Variants in MEP1A observed in about 807,000 individuals in gnomAD.
MEP1A encodes the protein N-benzoyl-L-tyrosyl-P-amino-benzoic acid hydrolase subunit alpha.
MEP1A carries 68 observed loss-of-function variants against 84.5 expected under a neutral mutation model. The ratio of observed to expected loss-of-function variants is 0.80; its 90% CI spans 0.66 to 0.98. The LOEUF (loss-of-function observed/expected upper bound fraction) is 0.98, where lower values mean the gene tolerates loss of function less well. MEP1A is among the 50% of genes least tolerant of loss of function. MEP1A has a pLI of 0.00. For missense variants in MEP1A, 887 were observed against 919.9 expected (o/e 0.96, Z 0.46); for synonymous variants, 337 against 336.8 (o/e 1.00, Z -0.01).
At chr6:46,826,320 A>G in intron 8 of MEP1A, 34 bp from the exon 9 acceptor site, 1 of 1,561,006 alleles carries the variant, frequency 6.4e-7, no homozygotes, top group Non-Finnish European at 8.7e-7. Context: ...ACTATCTTTC[A>G]TTTTTAACCA....
chr6:46,833,770 G>A (rs545743931), intron 11 of MEP1A, among the ~76,000 whole-genome samples: 1 of 152,004 alleles, frequency 6.6e-6, no homozygotes, highest in Non-Finnish European at 1.5e-5. Flanking sequence ...TGCCAAAGTC[G>A]GTGCTAGGTA....
downstream of MEP1A, among the ~76,000 whole-genome samples, chr6:46,841,762 C>G (rs1768334163): frequency 6.6e-6 from 1 of 152,198 alleles, no homozygotes; most frequent in Admixed American, 6.5e-5. Flanking sequence ...CAGGTTCTTT[C>G]AGTAATATCT....
intron 3 of MEP1A, among the ~76,000 whole-genome samples, chr6:46,794,209 C>A (rs893390961): frequency 6.6e-6 from 1 of 152,170 alleles, no homozygotes; most frequent in African/African-American, 2.4e-5. Context: ...ATTCATCAGT[C>A]TCATCCATTA....
chr6:46,794,495 T>C (rs1332542619), intron 3 of MEP1A, among the ~76,000 whole-genome samples: 1 of 152,192 alleles, frequency 6.6e-6, no homozygotes, highest in Non-Finnish European at 1.5e-5. Context: ...AGATCATAGG[T>C]AGCAGTGATG....
At chr6:46,841,065 G>A (rs529552014), downstream of MEP1A, among the ~76,000 whole-genome samples, 2 of 152,266 alleles carry the variant, frequency 1.3e-5, no homozygotes, top group African/African-American at 4.8e-5. Context: ...CACATGGAAA[G>A]GCCCCAAGCC....
chr6:46,809,626 C>A, intron 6 of MEP1A, 89 bp downstream of exon 6: 1 of 802,476 alleles, frequency 1.2e-6, no homozygotes, highest in Non-Finnish European at 2.1e-6. Context: ...TCCAATGTAT[C>A]ATTCTTTTGT....
intron 10 of MEP1A, among the ~76,000 whole-genome samples, chr6:46,829,816 TG>T (rs1768039288): frequency 6.6e-6 from 1 of 152,054 alleles, no homozygotes; most frequent in South Asian, 2.1e-4. Flanking sequence ...AATATACTTT[TG>T]TAAGAAGCCA....
At chr6:46,822,545 A>ATTTTTG (rs1431074632) in intron 7 of MEP1A, among the ~76,000 whole-genome samples, 2 of 151,940 alleles carry the variant, frequency 1.3e-5, no homozygotes, top group Non-Finnish European at 2.9e-5. Flanking sequence ...ACCTGATGGG[A>ATTTTTG]TTTTTGTTTT....
At chr6:46,798,583 T>C (rs747092873) in intron 3 of MEP1A, 23 bp from the exon 4 acceptor site, 4 of 1,606,596 alleles carry the variant, frequency 2.5e-6, no homozygotes, top group African/African-American at 1.3e-5. Context: ...ATATTCTTTT[T>C]TTAAAAAAAA....
chr6:46,807,681 A>AAGG (rs200656422), intron 5 of MEP1A, among the ~76,000 whole-genome samples: 1 of 145,618 alleles, frequency 6.9e-6, no homozygotes, highest in South Asian at 2.3e-4. Flanking sequence ...GGAGGAGGAG[A>AAGG]AGGAGGAGGA....
chr6:46,811,236 T>C (rs1767491374), intron 6 of MEP1A, among the ~76,000 whole-genome samples: 2 of 152,096 alleles, frequency 1.3e-5, no homozygotes, highest in African/African-American at 4.8e-5. Flanking sequence ...GCAGCTATTG[T>C]GAAATGGGTT....
downstream of MEP1A, among the ~76,000 whole-genome samples, chr6:46,842,583 C>T (rs1768353124): frequency 6.6e-6 from 1 of 152,074 alleles, no homozygotes; most frequent in African/African-American, 2.4e-5. Context: ...GCTCTCAAAC[C>T]CTGTTTTCTG....
chr6:46,830,340 C>G (rs1341027479), intron 10 of MEP1A, among the ~76,000 whole-genome samples: 1 of 149,780 alleles, frequency 6.7e-6, no homozygotes, highest in Non-Finnish European at 1.5e-5. Flanking sequence ...ATTTAATATG[C>G]TGAAGTAACT....
At chr6:46,801,087 T>TA in intron 5 of MEP1A, among the ~76,000 whole-genome samples, 1 of 152,172 alleles carries the variant, frequency 6.6e-6, no homozygotes, top group Admixed American at 6.6e-5. Flanking sequence ...AGAAAACTGT[T>TA]ATGATAATTC....
rs750876031 is a variant in MEP1A, at chr6:46,834,766, C to T, written c.1783+15C>T. The T allele has an allele frequency of 1.3e-6, 2 of 1,596,072 alleles. No homozygotes were observed. The highest frequency in any genetic ancestry group is 1.7e-6 in the Non-Finnish European group (2 of 1,166,516). ...GGACTTTGAAGGTACTTTTGTTGGT[C>T]TTCCTGAGTAAATAATCCTATGCTC... On this transcript the variant is annotated intron_variant, in intron 12 of 13. Transcript: ENST00000230588.
downstream of MEP1A, among the ~76,000 whole-genome samples, chr6:46,841,250 T>C (rs1393605233): frequency 6.6e-6 from 1 of 152,224 alleles, no homozygotes; most frequent in East Asian, 1.9e-4. Context: ...TTTATTTCTC[T>C]CTAGATTCTC....
At chr6:46,829,749 T>C (rs1394699490) in intron 10 of MEP1A, among the ~76,000 whole-genome samples, 178 bp downstream of exon 10, 1 of 152,174 alleles carries the variant, frequency 6.6e-6, no homozygotes, top group Non-Finnish European at 1.5e-5. Flanking sequence ...AATTACTCTA[T>C]GAATGTTTTA....
chr6:46,814,997 A>T (rs1174753759), intron 6 of MEP1A, among the ~76,000 whole-genome samples: 1 of 152,148 alleles, frequency 6.6e-6, no homozygotes, highest in Non-Finnish European at 1.5e-5. Context: ...GTTTTTGTTT[A>T]GTGTGCTGGT....
At chr6:46,797,609 C>T (rs1767073106) in intron 3 of MEP1A, among the ~76,000 whole-genome samples, 2 of 152,180 alleles carry the variant, frequency 1.3e-5, no homozygotes, top group South Asian at 4.2e-4. Context: ...AAAACACACT[C>T]ATTTACTTTG....
Sources: allele counts gnomAD v4.1 joint callset (sites outside exome capture counted in the v4.1 genomes callset), GRCh38; gene constraint gnomAD v4.1.1; transcripts MANE v1.5; gene names NCBI Gene and HGNC (gene_info 2026-07-23, HGNC 2026-07-21).